The following RHOQ variants were observed in gnomAD, a reference collection of about 807,000 sequenced individuals.
RHOQ encodes the protein ras homolog family member Q, also known as rho-related GTP-binding protein RhoQ.
RHOQ carries 7 observed loss-of-function variants against 25.8 expected under a neutral mutation model. The observed-to-expected ratio is 0.27, with a 90% CI of 0.15 to 0.51. RHOQ has a LOEUF of 0.51. Among genes scored for constraint, RHOQ ranks in the 20% least tolerant of loss-of-function variants. The pLI is 0.97. For synonymous variants in RHOQ, 97 were observed against 98.6 expected, an observed-to-expected ratio of 0.98 and a Z score of 0.10; for missense variants, 165 against 260.6, an observed-to-expected ratio of 0.63 and a Z score of 2.53.
At chr2:46,554,809 T>G (rs6749372) in intron 2 of RHOQ, among the ~76,000 whole-genome samples, 20,090 of 149,906 alleles carry the variant, frequency 0.13, 1,964 homozygotes, top group African/African-American at 0.27. Context: ...TTTTTTCAAA[T>G]TTGTTCCAAT....
At chr2:46,554,906 C>T (rs989336275) in intron 2 of RHOQ, among the ~76,000 whole-genome samples, 4 of 151,836 alleles carry the variant, frequency 2.6e-5, no homozygotes, top group African/African-American at 9.7e-5. Flanking sequence ...GGAGCAGCCA[C>T]TGAGAGAGCA....
intron 2 of RHOQ, among the ~76,000 whole-genome samples, chr2:46,563,667 T>C (rs1668640843): frequency 6.6e-6 from 1 of 152,114 alleles, no homozygotes; most frequent in Non-Finnish European, 1.5e-5. Flanking sequence ...AGGGACTTCT[T>C]GCAGGGTAAT....
In RHOQ at chr2:46,557,402, A is replaced by G. The variant is rs80248697; in HGVS notation, c.201+13590A>G. On this transcript the variant is annotated intron_variant, in intron 2 of 4. Coordinates refer to ENST00000238738, the MANE Select transcript of RHOQ (RefSeq NM_012249.4). ...AAAAACTGCCTTCAACAAATATTTA[A>G]AGAAATGTGAAAAGGCTAATGATGT... 1.2e-3 allele frequency among the ~76,000 whole-genome samples: 180 copies of G among 152,354 alleles called. 2 individuals are homozygous for G. In the East Asian group the frequency reaches 0.028, roughly 24 times the overall value.
chr2:46,574,185 AT>A (rs1669029462), intron 2 of RHOQ, among the ~76,000 whole-genome samples: 1 of 152,206 alleles, frequency 6.6e-6, no homozygotes, highest in South Asian at 2.1e-4. Context: ...AAGGGATAGT[AT>A]CCCCATTCCT....
Position 46,556,710 on chromosome 2 carries a change from A to G in RHOQ, c.201+12898A>G, listed in dbSNP as rs1668420675. Reference sequence around the variant, plus strand: ...AGTTTACAGTCCAGTTGGAAGATGAATAGAGCTGGCCAGAATGCAAGTAGA... The same window carrying G: ...AGTTTACAGTCCAGTTGGAAGATGAGTAGAGCTGGCCAGAATGCAAGTAGA... On this transcript the variant is annotated intron_variant, in intron 2 of 4. Coordinates refer to ENST00000238738, the MANE Select transcript of RHOQ (RefSeq NM_012249.4). This position sits in a 1 kb window ranked among gnomAD's most constrained non-coding sequence, Gnocchi z 4.9. Among the ~76,000 whole-genome samples the G allele has an allele frequency of 6.6e-6, 1 of 152,148 alleles. No individual in the cohort carries two copies. The highest frequency in any genetic ancestry group is 1.5e-5 in the Non-Finnish European group (1 of 68,016).
chr2:46,574,811 G>A (rs547151755), intron 2 of RHOQ, among the ~76,000 whole-genome samples: 80 of 152,288 alleles, frequency 5.3e-4, no homozygotes, highest in African/African-American at 1.9e-3. Flanking sequence ...TGCATGAAAG[G>A]AAAATTGTTC....
intron 2 of RHOQ, among the ~76,000 whole-genome samples, chr2:46,575,061 T>C (rs1201572892): frequency 6.6e-6 from 1 of 152,144 alleles, no homozygotes; most frequent in Non-Finnish European, 1.5e-5. Context: ...TAAAATAGTC[T>C]ATGCAAAAAA....
intron 2 of RHOQ, among the ~76,000 whole-genome samples, chr2:46,544,619 C>T (rs1667989075): frequency 6.6e-6 from 1 of 152,224 alleles, no homozygotes; most frequent in Non-Finnish European, 1.5e-5. Context: ...CTCCCTGTCC[C>T]AGCTTCAGCC....
intron 2 of RHOQ, among the ~76,000 whole-genome samples, chr2:46,554,990 G>T (rs1668366848): frequency 6.6e-6 from 1 of 152,162 alleles, no homozygotes; most frequent in Admixed American, 6.5e-5. Context: ...GTCTTCCCCA[G>T]TGAGCTGATT....
Position 46,542,975 on chromosome 2 carries a change from G to C in RHOQ, c.-72G>C, listed in dbSNP as rs1325339275. On this transcript the variant is annotated 5_prime_UTR_variant, in exon 1 of 5. Coordinates refer to ENST00000238738, the MANE Select transcript of RHOQ (RefSeq NM_012249.4). Reference sequence around the variant, plus strand: ...GGCGACGGCGGCGGACCCCCCAGGCGGGCTGGGGCTGAGCCCGGGGCCGGG... The same window carrying C: ...GGCGACGGCGGCGGACCCCCCAGGCCGGCTGGGGCTGAGCCCGGGGCCGGG... 3.6e-6 allele frequency: 4 copies of C among 1,109,498 alleles called. No homozygotes were observed. Among genetic ancestry groups the C allele is most frequent in the Non-Finnish European group, 4.6e-6 (4 of 874,462 alleles). The allele number at this position is 1,109,498 out of a possible 1,614,324, so 68.7% of individuals were successfully genotyped here.
intron 2 of RHOQ, among the ~76,000 whole-genome samples, chr2:46,546,492 A>G (rs1456467448): frequency 5.0e-5 from 1 of 20,098 alleles, no homozygotes. Context: ...ATATATATAT[A>G]TATATATATA....
intron 2 of RHOQ, among the ~76,000 whole-genome samples, chr2:46,575,517 A>C (rs1489622735): frequency 1.3e-5 from 2 of 152,124 alleles, no homozygotes; most frequent in Admixed American, 1.3e-4. Context: ...TTAAGAGTAT[A>C]GACTCTGGAG....
chr2:46,573,090 G>A (rs1267962917), intron 2 of RHOQ, among the ~76,000 whole-genome samples: 1 of 148,388 alleles, frequency 6.7e-6, no homozygotes, highest in East Asian at 2.0e-4. Context: ...TTGAGACGGA[G>A]TTTAGCTCTG....
rs1667844657 is a variant in RHOQ, at chr2:46,542,569, G to A, written c.-478G>A. On this transcript the variant is annotated 5_prime_UTR_variant, in exon 1 of 5. Coordinates refer to ENST00000238738, the MANE Select transcript of RHOQ (RefSeq NM_012249.4). ...CCGGCAGGGCCGCGCGGCGGCAGCA[G>A]GCGGGGGCGCGTGGCGCGGGCCGCG... 6.8e-6 allele frequency: 1 copy of A among 147,564 alleles called. No individual in the cohort carries two copies. The highest frequency in any genetic ancestry group is 2.0e-4 in the East Asian group (1 of 5,112). The allele number at this position is 147,564 out of a possible 1,614,324, so 9.1% of individuals were successfully genotyped here.
chr2:46,544,954 A>C (rs1667999175), intron 2 of RHOQ, among the ~76,000 whole-genome samples: 1 of 152,220 alleles, frequency 6.6e-6, no homozygotes, highest in Admixed American at 6.5e-5. Flanking sequence ...GCTTGTCTAG[A>C]TTTGGATTTC....
At chr2:46,575,654 T>C (rs755726617) in intron 2 of RHOQ, among the ~76,000 whole-genome samples, 6 of 152,152 alleles carry the variant, frequency 3.9e-5, no homozygotes, top group Non-Finnish European at 8.8e-5. Flanking sequence ...TTGTGTCATA[T>C]TGTTGTTACA....
In RHOQ at chr2:46,583,061, G is replaced by A. The variant is rs957816318; in HGVS notation, c.*1978G>A. 9 of 152,122 alleles carry A rather than the reference G, an allele frequency of 5.9e-5. No homozygotes were observed. The highest frequency in any genetic ancestry group is 2.2e-4 in the African/African-American group (9 of 41,428). 9.4% of individuals were successfully genotyped at this position (152,122 alleles called of 1,614,324 possible). On this transcript the variant is annotated 3_prime_UTR_variant, in exon 5 of 5. Coordinates refer to ENST00000238738, the MANE Select transcript of RHOQ (RefSeq NM_012249.4). ...ATAAATCAATTAACATATTAGCTGA[G>A]TTGTCCAACACATGGTATAAACGAA...
At chr2:46,580,835 T>C in intron 4 of RHOQ, 93 bp from the exon 5 acceptor site, 1 of 908,970 alleles carries the variant, frequency 1.1e-6, no homozygotes. Flanking sequence ...TGCATAGCTG[T>C]ATTTTATAAT....
At chr2:46,546,486 A>ATG (rs1558680472) in intron 2 of RHOQ, among the ~76,000 whole-genome samples, 1 of 21,656 alleles carries the variant, frequency 4.6e-5, no homozygotes, top group Non-Finnish European at 7.6e-5. Flanking sequence ...GTATATATAT[A>ATG]TATATATATA....
Sources: gnomAD v4.1 joint callset for allele counts (sites outside exome capture counted in the v4.1 genomes callset) on GRCh38, gnomAD v4.1.1 for gene constraint, Gnocchi (gnomAD v3.1) non-coding constraint, MANE v1.5 for transcripts, NCBI Gene and HGNC (gene_info 2026-07-23, HGNC 2026-07-21) for gene names.